PRKAR1B: variants seen among roughly 807,000 people sequenced by gnomAD.
The protein encoded by PRKAR1B is cAMP-dependent protein kinase type I-beta regulatory subunit.
A neutral mutation model predicts 46.5 loss-of-function variants in PRKAR1B; 22 were observed. That is an observed-to-expected ratio of 0.47 (90% CI 0.34 to 0.68). The LOEUF (loss-of-function observed/expected upper bound fraction) is 0.68, where lower values mean the gene tolerates loss of function less well. Ranked by LOEUF, PRKAR1B falls within the 30% of genes least tolerant of loss-of-function variation. PRKAR1B has a pLI of 0.01. For synonymous variants in PRKAR1B, 259 were observed against 217.7 expected, an observed-to-expected ratio of 1.19 and a Z score of -1.67; for missense variants, 445 against 535.6, an observed-to-expected ratio of 0.83 and a Z score of 1.67.
chr7:601,933 CA>C (rs1163470271), intron 6 of PRKAR1B, among the ~76,000 whole-genome samples: 6 of 120,694 alleles, frequency 5.0e-5, no homozygotes, highest in African/African-American at 1.9e-4. Flanking sequence ...CAGGGACGGG[CA>C]GGGGGATGGG....
intron 9 of PRKAR1B, among the ~76,000 whole-genome samples, chr7:566,133 G>T (rs1028767602): frequency 1.9e-4 from 14 of 73,464 alleles, no homozygotes. Context: ...AGTCACCACC[G>T]CTGCCACCTT....
chr7:583,651 C>T (rs1176825695), intron 8 of PRKAR1B, among the ~76,000 whole-genome samples: 2 of 147,978 alleles, frequency 1.4e-5, no homozygotes, highest in African/African-American at 2.6e-5. Flanking sequence ...CATGCATGCA[C>T]ACCCATGCGC....
intron 4 of PRKAR1B, among the ~76,000 whole-genome samples, chr7:610,724 CTCTT>C (rs1782433705): frequency 6.6e-6 from 1 of 152,220 alleles, no homozygotes. Context: ...CCATGGCTTC[CTCTT>C]TCTCTCAGCA....
At chr7:715,567 CT>C (rs770345164) in intron 1 of PRKAR1B, among the ~76,000 whole-genome samples, 1 of 152,082 alleles carries the variant, frequency 6.6e-6, no homozygotes, top group East Asian at 1.9e-4. Context: ...GACCTACCCC[CT>C]GGGGTAGGTT....
At chr7:624,938 A>G (rs1197868270) in intron 4 of PRKAR1B, among the ~76,000 whole-genome samples, 2 of 152,248 alleles carry the variant, frequency 1.3e-5, no homozygotes, top group African/African-American at 2.4e-5. Context: ...TACAGACTTC[A>G]TCAAACAAGA....
intron 4 of PRKAR1B, among the ~76,000 whole-genome samples, chr7:616,494 C>T (rs960522198): frequency 1.3e-5 from 2 of 152,268 alleles, no homozygotes; most frequent in African/African-American, 2.4e-5. Context: ...TCCGGAGCTG[C>T]GTCCTGCCAG....
chr7:563,844 TGTGTGCATGGGTTGTGG>T lies in PRKAR1B; in HGVS notation c.892-12391_892-12375del, dbSNP rs368209021. Among the ~76,000 whole-genome samples, 151 of 151,836 alleles carry T rather than the reference TGTGTGCATGGGTTGTGG, an allele frequency of 9.9e-4. 2 individuals are homozygous for T. Among genetic ancestry groups the T allele is most frequent in the African/African-American group, 3.1e-3 (130 of 41,382 alleles). On this transcript the variant is annotated intron_variant, in intron 9 of 10. Transcript: ENST00000537384. ...GTGTCCATGTGCACACGGATCAGTG[TGTGTGCATGGGTTGTGG>T]GTGTGCATGGGTTGTGGGTGTGTAT...
rs1190308443 is a variant in PRKAR1B at position 690,257 on chromosome 7, T to C, written c.178-9531A>G. On this transcript the variant is annotated intron_variant, in intron 2 of 10. Coordinates refer to ENST00000537384, the MANE Select transcript of PRKAR1B (RefSeq NM_001164760.2). ...GTTGCAGTGAGCTGAGATCATGCTA[T>C]TGCACTCCAGCCTGGGTGACAGAGT... 3.3e-5 allele frequency among the ~76,000 whole-genome samples: 5 copies of C among 151,434 alleles called. No homozygotes were observed. The South Asian group carries it at 6.3e-4, about 19-fold the overall frequency.
intron 9 of PRKAR1B, among the ~76,000 whole-genome samples, chr7:577,895 AG>A (rs1303314521): frequency 6.6e-6 from 1 of 152,236 alleles, no homozygotes; most frequent in African/African-American, 2.4e-5. Flanking sequence ...CAGTGCGCTG[AG>A]GGTAGCAGCT....
At chr7:726,733 G>T (rs1370575222) in intron 1 of PRKAR1B, 3 of 1,242,946 alleles carry the variant, frequency 2.4e-6, no homozygotes, top group Admixed American at 8.4e-5. Context: ...GGCGGCGCTG[G>T]GGGTGGCGGA....
chr7:706,882 C>T (rs117468543), intron 2 of PRKAR1B, among the ~76,000 whole-genome samples: 1,681 of 152,328 alleles, frequency 0.011, 25 homozygotes, highest in East Asian at 0.1. Flanking sequence ...GCCTCACAAA[C>T]ATGCACCCTG....
intron 9 of PRKAR1B, among the ~76,000 whole-genome samples, chr7:557,024 G>A (rs1778486033): frequency 6.6e-6 from 1 of 152,222 alleles, no homozygotes; most frequent in Non-Finnish European, 1.5e-5. Context: ...CTGAGCTGCA[G>A]AGAACCAGGT....
intron 2 of PRKAR1B, chr7:691,568 G>GC: frequency 7.7e-7 from 1 of 1,304,422 alleles, no homozygotes; most frequent in Non-Finnish European, 1.0e-6. Flanking sequence ...ACGCCCTTCC[G>GC]CCTACACGCA....
chr7:716,033 A>T (rs1243659610), intron 1 of PRKAR1B, among the ~76,000 whole-genome samples: 7 of 144,948 alleles, frequency 4.8e-5, no homozygotes, highest in East Asian at 2.0e-4. Flanking sequence ...TTCTTTATAT[A>T]TTTTTTTTTT....
chr7:655,592 T>G (rs1002654355), intron 4 of PRKAR1B, among the ~76,000 whole-genome samples: 1 of 152,254 alleles, frequency 6.6e-6, no homozygotes, highest in African/African-American at 2.4e-5. Context: ...TTTATTTCAT[T>G]TACTCATTGT....
intron 4 of PRKAR1B, among the ~76,000 whole-genome samples, chr7:659,827 T>C (rs1219348603): frequency 1.3e-5 from 2 of 152,136 alleles, no homozygotes; most frequent in Non-Finnish European, 2.9e-5. Flanking sequence ...CACCTCAGCC[T>C]CTGGAGTAGC....
rs1432230197 is a variant in PRKAR1B at position 644,204 on chromosome 7, C to T, written c.440+33025G>A. ...GGGCACCGACAGGCGGGATGTTCAA[C>T]CTGCGTCAGGATGAACCCTCATATT... On this transcript the variant is annotated intron_variant, in intron 4 of 10. Transcript: ENST00000537384. This position sits in a 1 kb window ranked among gnomAD's most constrained non-coding sequence, Gnocchi z 4.9. Among the ~76,000 whole-genome samples the T allele has an allele frequency of 1.3e-5, 2 of 152,178 alleles. No homozygotes were observed. The highest frequency in any genetic ancestry group is 2.9e-5 in the Non-Finnish European group (2 of 68,044).
chr7:596,115 T>C (rs946241124), intron 7 of PRKAR1B, 31 bp downstream of exon 7: 6 of 1,598,492 alleles, frequency 3.8e-6, no homozygotes, highest in Middle Eastern at 1.7e-4. Context: ...GGGTGGGTGT[T>C]GGCCTTCTCT....
intron 4 of PRKAR1B, among the ~76,000 whole-genome samples, chr7:631,791 A>G (rs2128479684): frequency 6.6e-6 from 1 of 152,090 alleles, no homozygotes; most frequent in South Asian, 2.1e-4. Context: ...CATCTCTAAA[A>G]AAAAAAAAAT....
Sources: gnomAD v4.1 joint callset for allele counts (sites outside exome capture counted in the v4.1 genomes callset) on GRCh38, gnomAD v4.1.1 for gene constraint, Gnocchi (gnomAD v3.1) non-coding constraint, MANE v1.5 for transcripts, NCBI Gene and HGNC (gene_info 2026-07-23, HGNC 2026-07-21) for gene names.